Variants in DOCK2 observed in about 807,000 individuals in gnomAD.
DOCK2 encodes dedicator of cytokinesis protein 2.
In DOCK2, 87 loss-of-function variants were observed where a neutral mutation model predicts 248.9. The observed-to-expected ratio is 0.35, with a 90% confidence interval of 0.29 to 0.42. The LOEUF is 0.42. DOCK2 is among the 10% of genes least tolerant of loss of function. The pLI, the probability that DOCK2 is intolerant of heterozygous loss-of-function variation, is 1.00. For missense variants in DOCK2, 1,747 were observed against 2,300.2 expected, an observed-to-expected ratio of 0.76 and a Z score of 4.92; for synonymous variants, 805 against 821.6, an observed-to-expected ratio of 0.98 and a Z score of 0.35.
Position 169,853,981 on chromosome 5 carries a change from G to A in DOCK2, c.2799+13129G>A, listed in dbSNP as rs184401510. 5.2e-3 allele frequency among the ~76,000 whole-genome samples: 771 copies of A among 149,184 alleles called. 6 individuals are homozygous for A. Among genetic ancestry groups the A allele is most frequent in the African/African-American group, 0.017 (673 of 40,480 alleles). On this transcript the variant is annotated intron_variant, in intron 27 of 51. Transcript: ENST00000520908. Reference sequence around the variant, plus strand: ...CTCCCGAGTAGCTGGGACTACAGGCGCCCACCACCATGCTGGGCTAATTTT... The same window carrying A: ...CTCCCGAGTAGCTGGGACTACAGGCACCCACCACCATGCTGGGCTAATTTT...
chr5:169,952,689 A>G (rs1776708579), intron 27 of DOCK2, among the ~76,000 whole-genome samples: 1 of 152,182 alleles, frequency 6.6e-6, no homozygotes, highest in Non-Finnish European at 1.5e-5. Flanking sequence ...TCCCGTGGAT[A>G]TCATGCTCCA....
intron 27 of DOCK2, among the ~76,000 whole-genome samples, chr5:169,948,476 T>C (rs1382171195): frequency 6.6e-6 from 1 of 152,098 alleles, no homozygotes; most frequent in Non-Finnish European, 1.5e-5. Flanking sequence ...CATCTCTCTC[T>C]CTCTCTATCT....
chr5:169,780,151 G>A (rs551420091), intron 25 of DOCK2, among the ~76,000 whole-genome samples: 1 of 152,300 alleles, frequency 6.6e-6, no homozygotes, highest in East Asian at 1.9e-4. Context: ...TAAGAAGCAT[G>A]TGGCTCTTGC....
At chr5:170,043,835 C>T (rs754054307) in intron 38 of DOCK2, among the ~76,000 whole-genome samples, 1 of 152,158 alleles carries the variant, frequency 6.6e-6, no homozygotes, top group Non-Finnish European at 1.5e-5. Flanking sequence ...TCAATTCAGC[C>T]CACTCTGTGC....
At chr5:170,079,759 C>T (rs956100973) in intron 49 of DOCK2, 42 of 168,810 alleles carry the variant, frequency 2.5e-4, no homozygotes, top group South Asian at 1.7e-4. Flanking sequence ...GATTAACTGC[C>T]CTGGCAAGGG....
At chr5:170,053,539 T>C (rs1756998308) in intron 41 of DOCK2, among the ~76,000 whole-genome samples, 1 of 152,240 alleles carries the variant, frequency 6.6e-6, no homozygotes, top group Admixed American at 6.5e-5. Flanking sequence ...AAACAGGCAG[T>C]GAACCAGATT....
chr5:170,069,070 G>A, intron 45 of DOCK2, 67 bp from the exon 46 acceptor site: 1 of 1,442,890 alleles, frequency 6.9e-7, no homozygotes, highest in Non-Finnish European at 9.6e-7. Context: ...TTCTCCCAGT[G>A]CCAAAGAGAT....
At chr5:169,712,985 C>G (rs909306911) in intron 17 of DOCK2, among the ~76,000 whole-genome samples, 2 of 152,246 alleles carry the variant, frequency 1.3e-5, no homozygotes, top group African/African-American at 4.8e-5. Context: ...GGATCACACC[C>G]TTGCCCTTGG....
At chr5:169,977,383 C>T (rs962644357) in intron 27 of DOCK2, among the ~76,000 whole-genome samples, 6 of 152,220 alleles carry the variant, frequency 3.9e-5, no homozygotes, top group African/African-American at 1.4e-4. Context: ...AGCTAATCTG[C>T]ATAGCTTCTC....
intron 33 of DOCK2, among the ~76,000 whole-genome samples, chr5:170,024,933 AG>A (rs1755853004): frequency 6.6e-6 from 1 of 152,198 alleles, no homozygotes; most frequent in Admixed American, 6.5e-5. Context: ...TCCTGAGACA[AG>A]TGCTTATTTA....
At chr5:169,748,553 T>C (rs1016030254) in intron 23 of DOCK2, among the ~76,000 whole-genome samples, 1 of 152,208 alleles carries the variant, frequency 6.6e-6, no homozygotes, top group Non-Finnish European at 1.5e-5. Flanking sequence ...ACCTGTGTGT[T>C]GGGGAAGGCA....
chr5:170,008,740 A>T lies in DOCK2; in HGVS notation c.3226A>T (p.Lys1076Ter), dbSNP rs1561878197. 6.2e-7 allele frequency: 1 copy of T among 1,613,996 alleles called. No homozygotes were observed. Among genetic ancestry groups the T allele is most frequent in the Non-Finnish European group, 8.5e-7 (1 of 1,179,936 alleles). ...CTTCTCCATCCGTGATATGTGGTAC[A>T]AGCTTGGTGAGTAGGCACACACATC... ...IGFSIRDMWY[K>*]LGQNKICFIP... Residue 1076 changes from lysine to a stop codon, truncating the protein, a stop_gained, in exon 32 of 52, where the codon AAG (lysine) becomes TAG (stop). Coordinates refer to ENST00000520908, the MANE Select transcript of DOCK2 (RefSeq NM_004946.3). LOFTEE classifies it high-confidence loss of function.
intron 20 of DOCK2, 149 bp downstream of exon 20, chr5:169,716,451 A>C (rs550135812): frequency 5.5e-5 from 39 of 708,170 alleles, no homozygotes; most frequent in Non-Finnish European, 7.4e-5. Flanking sequence ...CAAGACCAAT[A>C]ATGAGCTGCT....
chr5:169,706,090 C>G (rs1049520956), intron 14 of DOCK2, among the ~76,000 whole-genome samples: 1 of 152,246 alleles, frequency 6.6e-6, no homozygotes, highest in Non-Finnish European at 1.5e-5. Flanking sequence ...TGTTATTTCT[C>G]TGAAGTGCTG....
At chr5:169,974,327 T>C (rs1378564348) in intron 27 of DOCK2, among the ~76,000 whole-genome samples, 1 of 152,250 alleles carries the variant, frequency 6.6e-6, no homozygotes, top group Non-Finnish European at 1.5e-5. Context: ...GTGTACTTTT[T>C]AACAGCGTCT....
rs536637616 is a variant in DOCK2 at position 170,056,530 on chromosome 5, C to G, written c.4296-154C>G. 7.7e-5 allele frequency: 46 copies of G among 595,256 alleles called. No individual in the cohort carries two copies. The African/African-American group carries it at 7.9e-4, about 10-fold the overall frequency. The allele number at this position is 595,256 out of a possible 1,614,324, so 36.9% of individuals were successfully genotyped here. A position where few individuals can be genotyped will look rare whatever the true frequency, so the allele number is the denominator to read the frequency against. On this transcript the variant is annotated intron_variant, in intron 42 of 51. Coordinates refer to ENST00000520908, the MANE Select transcript of DOCK2 (RefSeq NM_004946.3). ...CTGTGCAAAAGTCACTCTTACGGAG[C>G]CCAGAACACAGACCTTGATTTTAAA...
chr5:170,005,609 A>T (rs920764120), intron 30 of DOCK2, among the ~76,000 whole-genome samples: 1 of 152,154 alleles, frequency 6.6e-6, no homozygotes, highest in Non-Finnish European at 1.5e-5. Flanking sequence ...TTACGGGTAG[A>T]GGGTTTCTTT....
rs1483555530 is a variant in DOCK2 at position 170,059,605 on chromosome 5, CAGT to C, written c.4467+1942_4467+1944del. Among the ~76,000 whole-genome samples the C allele has an allele frequency of 3.3e-5, 5 of 152,276 alleles. No individual in the cohort carries two copies. The East Asian group carries it at 7.7e-4, about 23-fold the overall frequency. On this transcript the variant is annotated intron_variant, in intron 44 of 51. Coordinates refer to ENST00000520908, the MANE Select transcript of DOCK2 (RefSeq NM_004946.3). ...AATATTAAGAGAATATTAAATATAA[CAGT>C]AGACCATAAGCTCCACTAGAATATA...
At chr5:169,964,906 G>A (rs1429765440) in intron 27 of DOCK2, among the ~76,000 whole-genome samples, 1 of 152,248 alleles carries the variant, frequency 6.6e-6, no homozygotes, top group Non-Finnish European at 1.5e-5. Context: ...AAATAAAGGT[G>A]AGTCTCCGTC....
Sources: allele counts gnomAD v4.1 joint callset (sites outside exome capture counted in the v4.1 genomes callset), GRCh38; gene constraint gnomAD v4.1.1; transcripts MANE v1.5; gene names NCBI Gene and HGNC (gene_info 2026-07-23, HGNC 2026-07-21).